The following RAD51B variants were observed in gnomAD, a reference collection of about 807,000 sequenced individuals.
RAD51B encodes the protein DNA repair protein RAD51 homolog 2.
RAD51B carries 38 observed loss-of-function variants against 42.2 expected under a neutral mutation model. The ratio of observed to expected loss-of-function variants is 0.90; its 90% CI spans 0.70 to 1.18. The LOEUF (loss-of-function observed/expected upper bound fraction) is 1.18, where lower values mean the gene tolerates loss of function less well. Ranked by LOEUF, RAD51B falls within the 50% of genes most tolerant of loss-of-function variation. The probability of loss-of-function intolerance (pLI) is 0.00; values close to 1 mark genes in which losing one functional copy is unlikely to be tolerated. For missense variants in RAD51B, 373 were observed against 400.7 expected, an observed-to-expected ratio of 0.93 and a Z score of 0.59; for synonymous variants, 154 against 145.2, an observed-to-expected ratio of 1.06 and a Z score of -0.43.
intron 7 of RAD51B, among the ~76,000 whole-genome samples, chr14:68,132,817 A>G (rs2077923229): frequency 6.6e-6 from 1 of 152,224 alleles, no homozygotes; most frequent in Non-Finnish European, 1.5e-5. Context: ...TGCCTGGGTT[A>G]TACATCTCCC....
chr14:68,301,237 A>G (rs548289731), intron 8 of RAD51B, among the ~76,000 whole-genome samples: 3 of 152,188 alleles, frequency 2.0e-5, no homozygotes, highest in South Asian at 4.1e-4. Context: ...TCCAGTGGAC[A>G]GGTTTAAGGA....
intron 7 of RAD51B, among the ~76,000 whole-genome samples, chr14:67,974,457 A>G (rs553510517): frequency 3.9e-5 from 6 of 152,240 alleles, no homozygotes; most frequent in Admixed American, 1.3e-4. Context: ...AAAGGTTCCT[A>G]CTTTGGAGGA....
At position 68,529,957 on chromosome 14, in the gene RAD51B, TAC is replaced by T. The variant is rs1887171458; in HGVS notation, c.1036+61711_1036+61712del. Among the ~76,000 whole-genome samples the T allele has an allele frequency of 2.6e-5, 4 of 151,888 alleles. No homozygotes were observed. The South Asian group carries it at 8.3e-4, about 31-fold the overall frequency. ...AAAAGAATGAATTAAAAAGATAAAA[TAC>T]ACAGATAGGATAAATTCTAGACATG... On this transcript the variant is annotated intron_variant, in intron 10 of 10. Coordinates refer to the RAD51B transcript ENST00000487270.
At chr14:68,162,180 C>G (rs1160484693) in intron 7 of RAD51B, among the ~76,000 whole-genome samples, 1 of 152,158 alleles carries the variant, frequency 6.6e-6, no homozygotes, top group African/African-American at 2.4e-5. Context: ...TAAGTTGTCT[C>G]TTAATTCAGG....
intron 7 of RAD51B, among the ~76,000 whole-genome samples, chr14:68,196,238 A>G (rs936638951): frequency 1.3e-5 from 2 of 151,916 alleles, no homozygotes; most frequent in Non-Finnish European, 1.5e-5. Context: ...CTTGCTGGGC[A>G]TGATTAATTA....
intron 9 of RAD51B, among the ~76,000 whole-genome samples, chr14:68,426,046 TTC>T (rs1221192647): frequency 2.7e-5 from 4 of 148,768 alleles, no homozygotes; most frequent in Non-Finnish European, 3.0e-5. Flanking sequence ...CTTTCTCTCT[TTC>T]TCTCTCTCTC....
chr14:68,603,842 G>C (rs918675857), intron 10 of RAD51B, among the ~76,000 whole-genome samples: 1 of 152,228 alleles, frequency 6.6e-6, no homozygotes, highest in Non-Finnish European at 1.5e-5. Flanking sequence ...CCCCCTGTCC[G>C]CATGCTGTCA....
intron 7 of RAD51B, among the ~76,000 whole-genome samples, chr14:68,091,798 C>T (rs535259624): frequency 5.9e-5 from 9 of 152,242 alleles, no homozygotes; most frequent in East Asian, 5.8e-4. Flanking sequence ...AATGGTATTG[C>T]CTAGGTTTTC....
intron 7 of RAD51B, chr14:67,908,718 A>G (rs1183566258): frequency 2.6e-5 from 4 of 152,098 alleles, no homozygotes; most frequent in Non-Finnish European, 5.9e-5. Flanking sequence ...TAGTTATTAA[A>G]CAAATTTAAA....
intron 7 of RAD51B, among the ~76,000 whole-genome samples, chr14:67,927,224 TTTAA>T (rs1241876842): frequency 3.3e-5 from 5 of 152,198 alleles, no homozygotes; most frequent in African/African-American, 9.7e-5. Flanking sequence ...TTTTTTTCTC[TTTAA>T]TTGTCATATT....
chr14:67,820,323 C>T (rs1243525412), intron 1 of RAD51B, among the ~76,000 whole-genome samples: 1 of 152,156 alleles, frequency 6.6e-6, no homozygotes, highest in African/African-American at 2.4e-5. Context: ...CCTCAGTATC[C>T]TTATCTGTAA....
chr14:68,194,428 T>C (rs2140911134), intron 7 of RAD51B, among the ~76,000 whole-genome samples: 1 of 152,242 alleles, frequency 6.6e-6, no homozygotes. Context: ...GAGTGAAAAT[T>C]GAATAGACAA....
chr14:68,198,279 C>T (rs2079414677), intron 7 of RAD51B, among the ~76,000 whole-genome samples: 1 of 152,122 alleles, frequency 6.6e-6, no homozygotes, highest in African/African-American at 2.4e-5. Flanking sequence ...ACTGGACTCT[C>T]CATTTCGTTC....
At chr14:68,186,767 A>G (rs1348842489) in intron 7 of RAD51B, among the ~76,000 whole-genome samples, 1 of 152,204 alleles carries the variant, frequency 6.6e-6, no homozygotes, top group Non-Finnish European at 1.5e-5. Context: ...GTTGGTGGGA[A>G]TGTAAATTAT....
intron 10 of RAD51B, among the ~76,000 whole-genome samples, chr14:68,553,498 G>A (rs549544616): frequency 3.9e-5 from 6 of 152,226 alleles, no homozygotes; most frequent in South Asian, 4.1e-4. Flanking sequence ...CATCTACTGC[G>A]AGCAAAGAGA....
At chr14:68,586,727 G>A (rs375251043) in intron 10 of RAD51B, among the ~76,000 whole-genome samples, 11 of 152,294 alleles carry the variant, frequency 7.2e-5, no homozygotes, top group South Asian at 4.1e-4. Context: ...TTCCATGGCC[G>A]GGTGCGGTGT....
chr14:67,839,689 G>T (rs2041360704), intron 4 of RAD51B, among the ~76,000 whole-genome samples: 1 of 151,562 alleles, frequency 6.6e-6, no homozygotes, highest in Admixed American at 6.6e-5. Flanking sequence ...CTTTATTTCT[G>T]CCATTTTCTT....
chr14:68,426,151 C>T (rs549606648), intron 9 of RAD51B, among the ~76,000 whole-genome samples: 13 of 151,884 alleles, frequency 8.6e-5, no homozygotes, highest in African/African-American at 2.2e-4. Context: ...TCACCACAAC[C>T]TCCGCCTCCC....
At chr14:68,108,924 G>A (rs2077418825) in intron 7 of RAD51B, among the ~76,000 whole-genome samples, 1 of 151,726 alleles carries the variant, frequency 6.6e-6, no homozygotes, top group South Asian at 2.1e-4. Flanking sequence ...TTGTCTATGA[G>A]GATCTTCAAT....
Sources: gnomAD v4.1 joint callset for allele counts (sites outside exome capture counted in the v4.1 genomes callset) on GRCh38, gnomAD v4.1.1 for gene constraint, MANE v1.5 for transcripts, NCBI Gene and HGNC (gene_info 2026-07-23, HGNC 2026-07-21) for gene names.